The following PRSS57 variants were observed in gnomAD, a reference collection of about 807,000 sequenced individuals.
The protein encoded by PRSS57 is serine protease 57.
In PRSS57, 19 loss-of-function variants were observed where a neutral mutation model predicts 20.6. That is an observed-to-expected ratio of 0.92 (90% CI 0.64 to 1.35). The LOEUF (loss-of-function observed/expected upper bound fraction) is 1.35. Ranked by LOEUF, PRSS57 falls within the 40% of genes most tolerant of loss-of-function variation. The pLI, the probability that PRSS57 is intolerant of heterozygous loss-of-function variation, is 0.00. For synonymous variants in PRSS57, 203 were observed against 176.6 expected (o/e 1.15, Z -1.19); for missense variants, 440 against 403.7 (o/e 1.09, Z -0.77).
At chr19:687,508 C>T (rs1159985908) in intron 3 of PRSS57, among the ~76,000 whole-genome samples, 1 of 152,140 alleles carries the variant, frequency 6.6e-6, no homozygotes, top group Non-Finnish European at 1.5e-5. Context: ...CAGGTTCAAC[C>T]GATTTCTCCT....
rs1342462161 is a variant in PRSS57 at position 686,964 on chromosome 19, G to A, written c.603C>T (p.Cys201=). The change falls in exon 4 of 5, where the codon TGC becomes TGT. Residue 201 remains cysteine (C), a synonymous_variant. Transcript: ENST00000329267. The stretch of plus-strand genomic sequence containing the variant: ...GTCTGTGGCTGTCCCCACTGCGGGT[G>A]CAGAGCATGGTAAGTGTCAGGTGGC... The part of the protein sequence containing the change: ...WKGHLTLTML[C]TRSGDSHRRG... 20 of 1,614,124 alleles carry A rather than the reference G, an allele frequency of 1.2e-5. No individual in the cohort carries two copies. The highest frequency in any genetic ancestry group is 1.7e-5 in the Non-Finnish European group (20 of 1,180,024).
At chr19:692,580 C>T (rs956071736) in intron 2 of PRSS57, among the ~76,000 whole-genome samples, 15 of 151,848 alleles carry the variant, frequency 9.9e-5, no homozygotes, top group African/African-American at 3.6e-4. Flanking sequence ...CCACTCCCAG[C>T]TAATTTTTGT....
Position 685,760 on chromosome 19 carries a change from C to G in PRSS57, c.805G>C (p.Gly269Arg). 1.3e-6 allele frequency: 2 copies of G among 1,561,722 alleles called. No individual in the cohort carries two copies. The change falls in exon 5 of 5, where the codon GGC becomes CGC. Residue 269 changes from glycine (G) to arginine (R), a missense_variant. Gly to Arg is a moderately radical substitution (Grantham distance 125, BLOSUM62 -2). Coordinates refer to ENST00000329267, the MANE Select transcript of PRSS57 (RefSeq NM_001308209.2). ...GGCCTGGTGGTCCCAGGCAGGGGGCCGGGCTGGGGACTGCTCCGCCGAACC... is the reference window on the plus strand; with the variant it reads ...GGCCTGGTGGTCCCAGGCAGGGGGCGGGGCTGGGGACTGCTCCGCCGAACC... Reference protein sequence around the residue: ...DVVRRSSPQPGPLPGTTRPPG... With the variant: ...DVVRRSSPQPRPLPGTTRPPG...
chr19:692,386 A>C (rs1424037826), intron 2 of PRSS57, among the ~76,000 whole-genome samples: 5 of 151,130 alleles, frequency 3.3e-5, no homozygotes, highest in African/African-American at 7.3e-5. Flanking sequence ...CAAAAAAAAA[A>C]CAATTACTTT....
chr19:687,166 C>T lies in PRSS57; in HGVS notation c.401G>A (p.Gly134Asp), dbSNP rs771740351. The stretch of plus-strand genomic sequence containing the variant: ...CGGCCTCAGCAGCCCCACTGCAGGG[C>T]CCAGGACAGCAGAGCCGTTCAGCTG... Reference protein sequence around the residue: ...LLRLNGSAVLGPAVGLLRPPG... With the variant: ...LLRLNGSAVLDPAVGLLRPPG... The change falls in exon 4 of 5, where the codon GGC becomes GAC. Residue 134 changes from glycine (G) to aspartate (D), a missense_variant. Coordinates refer to ENST00000329267, the MANE Select transcript of PRSS57 (RefSeq NM_001308209.2). 19 of 1,577,130 alleles carry T rather than the reference C, an allele frequency of 1.2e-5. No homozygotes were observed. The South Asian group carries it at 2.0e-4, about 16-fold the overall frequency.
intron 3 of PRSS57, among the ~76,000 whole-genome samples, chr19:688,814 G>C (rs2144810005): frequency 6.6e-6 from 1 of 152,090 alleles, no homozygotes; most frequent in South Asian, 2.1e-4. Flanking sequence ...GGCCAGTCTG[G>C]TTTCAAACTC....
chr19:685,996 C>A, intron 4 of PRSS57, 74 bp from the exon 5 acceptor site: 2 of 1,287,536 alleles, frequency 1.6e-6, no homozygotes, highest in South Asian at 2.7e-5. Flanking sequence ...GCCCTCCCTG[C>A]CTCAGAACCC....
chr19:691,597 A>C lies in PRSS57; in HGVS notation c.378+261T>G, dbSNP rs561805433. On this transcript the variant is annotated intron_variant, in intron 3 of 4. Coordinates refer to ENST00000329267, the MANE Select transcript of PRSS57 (RefSeq NM_001308209.2). Reference sequence around the variant, plus strand: ...CCCTTTGGGAGGCCGAGGCAGGTGGATCATTTGAAGTCAGGAGCTTGAGAC... The same window carrying C: ...CCCTTTGGGAGGCCGAGGCAGGTGGCTCATTTGAAGTCAGGAGCTTGAGAC... Among the ~76,000 whole-genome samples, 3 of 151,056 alleles carry C rather than the reference A, an allele frequency of 2.0e-5. No homozygotes were observed. The South Asian group carries it at 6.3e-4, about 32-fold the overall frequency.
At chr19:690,047 CG>C (rs2031598019) in intron 3 of PRSS57, among the ~76,000 whole-genome samples, 2 of 148,654 alleles carry the variant, frequency 1.3e-5, no homozygotes, top group African/African-American at 5.0e-5. Flanking sequence ...AGTGAGACTC[CG>C]TCTCAAAAAA....
At position 685,623 on chromosome 19, in the gene PRSS57, C is replaced by A; in HGVS notation, c.*93G>T. On this transcript the variant is annotated 3_prime_UTR_variant, in exon 5 of 5. Coordinates refer to ENST00000329267, the MANE Select transcript of PRSS57 (RefSeq NM_001308209.2). ...GTGCCCCACCGCTGCCCGTCCCACC[C>A]CAACCCTGAACATCAGGCTTCCCGT... The A allele has an allele frequency of 3.8e-6, 5 of 1,303,464 alleles. No homozygotes were observed. The South Asian group carries it at 4.4e-5, about 11-fold the overall frequency. The allele number at this position is 1,303,464 out of a possible 1,614,324, so 80.7% of individuals were successfully genotyped here. A position where few individuals can be genotyped will look rare whatever the true frequency, so the allele number is the denominator to read the frequency against.
chr19:693,107 T>C (rs1248339951), intron 2 of PRSS57, among the ~76,000 whole-genome samples: 2 of 151,796 alleles, frequency 1.3e-5, no homozygotes, highest in African/African-American at 4.8e-5. Context: ...TTTTGTATTT[T>C]TTTTTAGTAG....
intron 3 of PRSS57, among the ~76,000 whole-genome samples, chr19:689,773 G>A (rs371955297): frequency 2.5e-4 from 38 of 152,116 alleles, no homozygotes; most frequent in Admixed American, 4.6e-4. Flanking sequence ...ATAAAAATTC[G>A]CCTGGCGCAG....
At chr19:686,031 AGG>A in intron 4 of PRSS57, 109 bp from the exon 5 acceptor site, 1 of 981,212 alleles carries the variant, frequency 1.0e-6, no homozygotes, top group Admixed American at 2.7e-5. Flanking sequence ...CTGCTCTCCA[AGG>A]AAAAAGTAAA....
In PRSS57 at chr19:685,736, G is replaced by C; in HGVS notation, c.829C>G (p.Pro277Ala). The C allele has an allele frequency of 6.4e-7, 1 of 1,550,872 alleles. No homozygotes were observed. Among genetic ancestry groups the C allele is most frequent in the Non-Finnish European group, 8.8e-7 (1 of 1,142,848 alleles). Residue 277 changes from proline to alanine, a missense_variant, in exon 5 of 5, where the codon CCC (proline) becomes GCC (alanine). Pro to Ala is a conservative substitution (Grantham distance 27, BLOSUM62 -1). Coordinates refer to ENST00000329267, the MANE Select transcript of PRSS57 (RefSeq NM_001308209.2). ...QPGPLPGTTR[P>A]PGEAA ...GTGGCTCAGGCGGCTTCTCCTGGGG[G>C]CCTGGTGGTCCCAGGCAGGGGGCCG... is the stretch of plus-strand genomic sequence containing the variant.
Position 685,611 on chromosome 19 carries a change from G to A in PRSS57, c.*105C>T. 1 of 1,144,080 alleles carries A rather than the reference G, an allele frequency of 8.7e-7. No individual in the cohort carries two copies. The highest frequency in any genetic ancestry group is 1.6e-5 in the South Asian group (1 of 62,882). 70.9% of individuals were successfully genotyped at this position (1,144,080 alleles called of 1,614,324 possible). On this transcript the variant is annotated 3_prime_UTR_variant, in exon 5 of 5. Coordinates refer to ENST00000329267, the MANE Select transcript of PRSS57 (RefSeq NM_001308209.2). ...TGTGGAATGGGTGTGCCCCACCGCT[G>A]CCCGTCCCACCCCAACCCTGAACAT...
rs768413362 is a variant in PRSS57 at position 687,054 on chromosome 19, C to T, written c.513G>A (p.Pro171=). The T allele has an allele frequency of 1.2e-5, 20 of 1,613,942 alleles. No homozygotes were observed. The Admixed American group carries it at 1.7e-4, about 13-fold the overall frequency. Residue 171 remains proline (P), a synonymous_variant, in exon 4 of 5, where the codon CCG becomes CCA. Transcript: ENST00000329267. The part of the protein sequence containing the change: ...WGFVSDFEEL[P]PGLMEAKVRV... ...GGACCTTGGCCTCCATCAGTCCAGG[C>T]GGCAGCTCCTCAAAGTCAGACACGA...
At chr19:686,073 C>G in intron 4 of PRSS57, 151 bp from the exon 5 acceptor site, 1 of 708,972 alleles carries the variant, frequency 1.4e-6, no homozygotes, top group South Asian at 1.9e-5. Flanking sequence ...CCCTGAGGAC[C>G]CAGCCCCCAC....
At position 685,647 on chromosome 19, in the gene PRSS57, G is replaced by C. The variant is rs965311560; in HGVS notation, c.*69C>G. The C allele has an allele frequency of 7.0e-7, 1 of 1,418,866 alleles. No homozygotes were observed. Among genetic ancestry groups the C allele is most frequent in the Non-Finnish European group, 9.4e-7 (1 of 1,062,142 alleles). The allele number at this position is 1,418,866 out of a possible 1,614,324, so 87.9% of individuals were successfully genotyped here. On this transcript the variant is annotated 3_prime_UTR_variant, in exon 5 of 5. Coordinates refer to ENST00000329267, the MANE Select transcript of PRSS57 (RefSeq NM_001308209.2). ...CCCAACCCTGAACATCAGGCTTCCC[G>C]TGGGGCCCAGCCACGGAACATTCCA...
chr19:693,431 C>T lies in PRSS57; in HGVS notation c.233+1383G>A, dbSNP rs550868850. 1.2e-4 allele frequency among the ~76,000 whole-genome samples: 18 copies of T among 152,008 alleles called. 1 individual carries two copies. The East Asian group carries it at 3.3e-3, about 28-fold the overall frequency. ...GAGGGGGTGGGTGAGATGGGGGTGA[C>T]GGCTGCCCGTCTGGGCCTCAGTCCA... On this transcript the variant is annotated intron_variant, in intron 2 of 4. Coordinates refer to ENST00000329267, the MANE Select transcript of PRSS57 (RefSeq NM_001308209.2).
Sources: gnomAD v4.1 joint callset for allele counts (sites outside exome capture counted in the v4.1 genomes callset) on GRCh38, gnomAD v4.1.1 for gene constraint, MANE v1.5 for transcripts, NCBI Gene and HGNC (gene_info 2026-07-23, HGNC 2026-07-21) for gene names.